Variants in HMGB1 observed in about 807,000 individuals in gnomAD.
The protein encoded by HMGB1 is high mobility group protein B1.
For synonymous variants in HMGB1, 81 were observed against 84.0 expected (o/e 0.96, Z 0.19); for missense variants, 79 against 253.5 (o/e 0.31, Z 4.67).
intron 1 of HMGB1, among the ~76,000 whole-genome samples, chr13:30,547,286 A>G (rs1215301510): frequency 6.6e-6 from 1 of 152,188 alleles, no homozygotes; most frequent in Non-Finnish European, 1.5e-5. Context: ...TCCAGTTTTA[A>G]GTTTTCTCAC....
At chr13:30,570,340 C>T (rs1242709355) in intron 1 of HMGB1, among the ~76,000 whole-genome samples, 1 of 152,212 alleles carries the variant, frequency 6.6e-6, no homozygotes, top group Non-Finnish European at 1.5e-5. Flanking sequence ...TCATTCTCTA[C>T]AAAATTCACT....
chr13:30,606,145 T>C (rs553529545), intron 1 of HMGB1, among the ~76,000 whole-genome samples: 1 of 152,220 alleles, frequency 6.6e-6, no homozygotes, highest in African/African-American at 2.4e-5. Flanking sequence ...TCCTATAGAA[T>C]AAATTTGACT....
intron 1 of HMGB1, among the ~76,000 whole-genome samples, chr13:30,502,273 T>G (rs1331845884): frequency 6.6e-6 from 1 of 152,236 alleles, no homozygotes; most frequent in Non-Finnish European, 1.5e-5. Context: ...GTGTAGGCAC[T>G]GATCTGGGTG....
intron 1 of HMGB1, among the ~76,000 whole-genome samples, chr13:30,512,445 A>C (rs1027775963): frequency 6.6e-6 from 1 of 152,224 alleles, no homozygotes; most frequent in Non-Finnish European, 1.5e-5. Context: ...TGAACGTGAC[A>C]GTTCAGGCTC....
intron 1 of HMGB1, among the ~76,000 whole-genome samples, chr13:30,528,441 A>G (rs998208841): frequency 1.3e-5 from 2 of 152,164 alleles, no homozygotes; most frequent in African/African-American, 2.4e-5. Flanking sequence ...ATTAACCCAT[A>G]AAAGGACTAC....
intron 1 of HMGB1, among the ~76,000 whole-genome samples, chr13:30,515,567 C>T (rs1186078909): frequency 7.9e-5 from 12 of 152,012 alleles, no homozygotes; most frequent in Non-Finnish European, 4.4e-5. Flanking sequence ...TATCTTATCG[C>T]CAGTAAGGTC....
intron 1 of HMGB1, among the ~76,000 whole-genome samples, chr13:30,574,560 A>G (rs1870566396): frequency 1.3e-5 from 2 of 152,248 alleles, no homozygotes; most frequent in Non-Finnish European, 2.9e-5. Flanking sequence ...AGAATATGCT[A>G]ATTTCCATGA....
chr13:30,596,534 T>C (rs1441629617), intron 1 of HMGB1, among the ~76,000 whole-genome samples: 2 of 152,164 alleles, frequency 1.3e-5, no homozygotes, highest in Non-Finnish European at 2.9e-5. Context: ...AAGAAAGTGA[T>C]TTATCAAAGA....
At position 30,559,554 on chromosome 13, in the gene HMGB1, C is replaced by T. The variant is rs1443238720; in HGVS notation, c.-15+57117G>A. Among the ~76,000 whole-genome samples, 1 of 152,152 alleles carries T rather than the reference C, an allele frequency of 6.6e-6. No homozygotes were observed. The highest frequency in any genetic ancestry group is 1.5e-5 in the Non-Finnish European group (1 of 68,020). The stretch of plus-strand genomic sequence containing the variant: ...TGTTCAGAGATGTGCGTGTAGTAGG[C>T]TGCCTGCTCTAACACATGAGATTAA... On this transcript the variant is annotated intron_variant, in intron 1 of 4. Transcript: ENST00000405805. This position sits in a 1 kb window ranked among gnomAD's most constrained non-coding sequence, Gnocchi z 6.6.
intron 1 of HMGB1, chr13:30,465,149 G>A (rs1010345765): frequency 1.1e-5 from 11 of 967,760 alleles, no homozygotes; most frequent in African/African-American, 1.8e-5. Flanking sequence ...GCCCGAGTCA[G>A]CCATGTTCCA....
intron 1 of HMGB1, among the ~76,000 whole-genome samples, chr13:30,531,509 CGTGTGTGTGTGTGTGTGTGTGTGTGTGT>C (rs376387192): frequency 2.2e-5 from 3 of 135,590 alleles, no homozygotes; most frequent in Non-Finnish European, 3.1e-5. Context: ...GTAACATATA[CGTGTGTGTGTGTGTGTGTGTGTGTGTGT>C]GTGTGTGTGT....
rs1316658154 is a variant in HMGB1 at position 30,460,111 on chromosome 13, G to T, written c.*1246C>A. 2 of 151,118 alleles carry T rather than the reference G, an allele frequency of 1.3e-5. No homozygotes were observed. Among genetic ancestry groups the T allele is most frequent in the Non-Finnish European group, 3.0e-5 (2 of 67,706 alleles). The allele number at this position is 151,118 out of a possible 1,614,324, so 9.4% of individuals were successfully genotyped here. The stretch of plus-strand genomic sequence containing the variant: ...TCCTAAGCAGATAAACATGACTAAT[G>T]AATGAGTTTGTTTTGTAAAGAAAAA... On this transcript the variant is annotated 3_prime_UTR_variant, in exon 5 of 5. Transcript: ENST00000341423.
intron 1 of HMGB1, among the ~76,000 whole-genome samples, chr13:30,582,175 A>G (rs1870928259): frequency 1.3e-5 from 2 of 152,190 alleles, no homozygotes; most frequent in Non-Finnish European, 2.9e-5. Flanking sequence ...CTTAAGCAAG[A>G]GGAGATCCAG....
chr13:30,510,149 G>A (rs1401495943), intron 1 of HMGB1, among the ~76,000 whole-genome samples: 1 of 152,140 alleles, frequency 6.6e-6, no homozygotes, highest in Non-Finnish European at 1.5e-5. Context: ...TGACCTCATA[G>A]CCTCAGCCAG....
At chr13:30,538,734 C>CTT (rs1868701211) in intron 1 of HMGB1, among the ~76,000 whole-genome samples, 1 of 86,802 alleles carries the variant, frequency 1.2e-5, no homozygotes, top group Non-Finnish European at 2.5e-5. Context: ...CTTTCTTTTT[C>CTT]TTTCTTTCTT....
At chr13:30,551,103 A>G (rs1347286185) in intron 1 of HMGB1, among the ~76,000 whole-genome samples, 1 of 152,236 alleles carries the variant, frequency 6.6e-6, no homozygotes, top group Non-Finnish European at 1.5e-5. Flanking sequence ...AAAGCATTTT[A>G]CCATCTACTA....
intron 1 of HMGB1, among the ~76,000 whole-genome samples, chr13:30,548,627 A>C (rs187377140): frequency 7.3e-4 from 111 of 152,322 alleles, no homozygotes; most frequent in African/African-American, 2.5e-3. Flanking sequence ...CAAAATTCTT[A>C]TGATGGGAGC....
chr13:30,589,623 C>T (rs539856196), intron 1 of HMGB1, among the ~76,000 whole-genome samples: 1 of 152,288 alleles, frequency 6.6e-6, no homozygotes, highest in South Asian at 2.1e-4. Flanking sequence ...AATCCCAGCA[C>T]TCTGGGAGGC....
chr13:30,538,451 A>ATTCTTTCTTTCTTTCTTCCT (rs1868555920), intron 1 of HMGB1, among the ~76,000 whole-genome samples: 1 of 90,612 alleles, frequency 1.1e-5, no homozygotes, highest in African/African-American at 5.7e-5. Flanking sequence ...AGTACTAGCA[A>ATTCTTTCTTTCTTTCTTCCT]TTCTTTCTTT....
Sources: gnomAD v4.1 joint callset for allele counts (sites outside exome capture counted in the v4.1 genomes callset) on GRCh38, gnomAD v4.1.1 for gene constraint, Gnocchi (gnomAD v3.1) non-coding constraint, MANE v1.5 for transcripts, NCBI Gene and HGNC (gene_info 2026-07-23, HGNC 2026-07-21) for gene names.